Variants in SLIT3 observed in about 807,000 individuals in gnomAD.
SLIT3 encodes slit guidance ligand 3.
SLIT3 carries 68 observed loss-of-function variants against 184.0 expected under a neutral mutation model. The observed-to-expected ratio is 0.37, with a 90% CI of 0.30 to 0.45. The LOEUF (loss-of-function observed/expected upper bound fraction) is 0.45. Among genes scored for constraint, SLIT3 ranks in the 20% least tolerant of loss-of-function variants. The probability of loss-of-function intolerance (pLI) is 1.00; values close to 1 mark genes in which losing one functional copy is unlikely to be tolerated. For missense variants in SLIT3, 1,707 were observed against 2,026.0 expected (o/e 0.84, Z 3.02); for synonymous variants, 831 against 828.6 (o/e 1.00, Z -0.05).
At chr5:169,279,413 C>T (rs1324445063) in intron 1 of SLIT3, among the ~76,000 whole-genome samples, 2 of 152,042 alleles carry the variant, frequency 1.3e-5, no homozygotes, top group Non-Finnish European at 2.9e-5. Flanking sequence ...CCCCATTTTA[C>T]GGAGGAGGAA....
intron 1 of SLIT3, among the ~76,000 whole-genome samples, chr5:169,275,621 T>C (rs1766777276): frequency 6.6e-6 from 1 of 152,118 alleles, no homozygotes; most frequent in African/African-American, 2.4e-5. Flanking sequence ...AGGCACTTCT[T>C]ATATGACAGC....
intron 4 of SLIT3, among the ~76,000 whole-genome samples, chr5:169,184,049 C>A (rs2113448892): frequency 6.6e-6 from 1 of 152,308 alleles, no homozygotes; most frequent in Middle Eastern, 3.4e-3. Flanking sequence ...ATGTAAAACC[C>A]AACTCTACCT....
chr5:169,177,528 G>T (rs867304669), intron 4 of SLIT3, among the ~76,000 whole-genome samples: 1 of 152,234 alleles, frequency 6.6e-6, no homozygotes, highest in Middle Eastern at 3.4e-3. Context: ...GCAGGTAAAT[G>T]AGTTATATAT....
intron 4 of SLIT3, among the ~76,000 whole-genome samples, chr5:168,937,062 C>A (rs1762182137): frequency 6.6e-6 from 1 of 152,064 alleles, no homozygotes; most frequent in African/African-American, 2.4e-5. Flanking sequence ...GGAAGTGACA[C>A]CTGAGCTGGC....
intron 4 of SLIT3, among the ~76,000 whole-genome samples, chr5:169,038,296 A>G (rs114539735): frequency 5.4e-4 from 83 of 152,380 alleles, no homozygotes; most frequent in African/African-American, 1.9e-3. Flanking sequence ...AGCAAAGAAT[A>G]TCTTCTCAAT....
intron 5 of SLIT3, among the ~76,000 whole-genome samples, chr5:168,863,429 G>A (rs144289389): frequency 2.6e-5 from 4 of 152,322 alleles, no homozygotes; most frequent in Admixed American, 1.3e-4. Flanking sequence ...CTGGTGATTC[G>A]TTGTTGAAAG....
chr5:168,741,055 C>T (rs1561903865), intron 20 of SLIT3, among the ~76,000 whole-genome samples: 1 of 152,204 alleles, frequency 6.6e-6, no homozygotes, highest in Non-Finnish European at 1.5e-5. Context: ...CCAGCTCAAA[C>T]TCACGGTGGA....
chr5:169,294,070 T>C (rs1409250737), intron 1 of SLIT3, among the ~76,000 whole-genome samples: 1 of 152,186 alleles, frequency 6.6e-6, no homozygotes, highest in Non-Finnish European at 1.5e-5. Flanking sequence ...AGATGAGCTC[T>C]CTGGGAATGC....
At chr5:169,113,718 C>T (rs1292874226) in intron 4 of SLIT3, among the ~76,000 whole-genome samples, 3 of 143,216 alleles carry the variant, frequency 2.1e-5, no homozygotes, top group South Asian at 2.2e-4. Flanking sequence ...TGCAGTGGCT[C>T]GATCACGGCT....
intron 4 of SLIT3, among the ~76,000 whole-genome samples, chr5:168,946,468 A>G (rs12657084): frequency 0.016 from 2,452 of 152,324 alleles, 65 homozygotes; most frequent in East Asian, 0.13. Flanking sequence ...GTGCCTCCCC[A>G]AGCCCCAAGG....
At chr5:169,015,871 GAT>G (rs1254946789) in intron 4 of SLIT3, among the ~76,000 whole-genome samples, 1 of 150,984 alleles carries the variant, frequency 6.6e-6, no homozygotes, top group Non-Finnish European at 1.5e-5. Flanking sequence ...AGTGAGCTAT[GAT>G]CATGCCACTG....
intron 4 of SLIT3, among the ~76,000 whole-genome samples, chr5:168,929,864 G>A (rs533340125): frequency 3.3e-5 from 5 of 152,332 alleles, no homozygotes; most frequent in East Asian, 3.9e-4. Flanking sequence ...CAGAGGAGGC[G>A]GGTGTTTCCC....
At chr5:169,032,749 T>C (rs1757078807) in intron 4 of SLIT3, among the ~76,000 whole-genome samples, 1 of 151,864 alleles carries the variant, frequency 6.6e-6, no homozygotes, top group Non-Finnish European at 1.5e-5. Flanking sequence ...CATATAACAC[T>C]CATGAATACT....
At chr5:168,722,169 CAG>C (rs1414229773) in intron 23 of SLIT3, 85 bp downstream of exon 23, 9 of 1,213,728 alleles carry the variant, frequency 7.4e-6, no homozygotes, top group Admixed American at 3.6e-5. Context: ...GGGCTTTGGG[CAG>C]AGAGTGGGGA....
chr5:169,099,418 C>T (rs1370872234), intron 4 of SLIT3, among the ~76,000 whole-genome samples: 2 of 152,168 alleles, frequency 1.3e-5, no homozygotes, highest in African/African-American at 2.4e-5. Flanking sequence ...TTCCTCCTAG[C>T]TCCTGTTCCT....
chr5:169,169,717 T>C (rs1401130546), intron 4 of SLIT3, among the ~76,000 whole-genome samples: 1 of 152,138 alleles, frequency 6.6e-6, no homozygotes, highest in African/African-American at 2.4e-5. Context: ...AACTAAGACT[T>C]GGAGACAAGA....
intron 27 of SLIT3, 82 bp downstream of exon 27, chr5:168,700,500 A>C: frequency 1.0e-6 from 1 of 985,306 alleles, no homozygotes; most frequent in South Asian, 1.4e-5. Flanking sequence ...TTCCTTTATA[A>C]ATTACCCAGT....
chr5:169,120,998 A>AACAT (rs2113287612), intron 4 of SLIT3, among the ~76,000 whole-genome samples: 1 of 152,260 alleles, frequency 6.6e-6, no homozygotes, highest in African/African-American at 2.4e-5. Context: ...CACTACATGG[A>AACAT]ACATACTATA....
intron 4 of SLIT3, among the ~76,000 whole-genome samples, chr5:168,960,854 T>C (rs1762980245): frequency 6.6e-6 from 1 of 152,220 alleles, no homozygotes; most frequent in Non-Finnish European, 1.5e-5. Flanking sequence ...CCAACACTAA[T>C]CTTACTTAAG....
Sources: allele counts gnomAD v4.1 joint callset (sites outside exome capture counted in the v4.1 genomes callset), GRCh38; gene constraint gnomAD v4.1.1; transcripts MANE v1.5; gene names NCBI Gene and HGNC (gene_info 2026-07-23, HGNC 2026-07-21).